MBNL1: variants seen among roughly 807,000 people sequenced by gnomAD.
MBNL1 encodes muscleblind-like protein 1.
A neutral mutation model predicts 42.2 loss-of-function variants in MBNL1; 8 were observed. The ratio of observed to expected loss-of-function variants is 0.19; its 90% CI spans 0.11 to 0.34. The LOEUF (loss-of-function observed/expected upper bound fraction) is 0.34, where lower values mean the gene tolerates loss of function less well. MBNL1 is among the 10% of genes least tolerant of loss of function. The pLI is 1.00. For synonymous variants in MBNL1, 169 were observed against 173.9 expected, an observed-to-expected ratio of 0.97 and a Z score of 0.22; for missense variants, 309 against 495.3, an observed-to-expected ratio of 0.62 and a Z score of 3.57.
At chr3:152,425,465 G>A (rs375821634) in intron 3 of MBNL1, among the ~76,000 whole-genome samples, 33 of 151,930 alleles carry the variant, frequency 2.2e-4, no homozygotes, top group African/African-American at 7.5e-4. Flanking sequence ...AAAATTAGCC[G>A]GGCATGGTGG....
intron 1 of MBNL1, among the ~76,000 whole-genome samples, chr3:152,273,162 A>G (rs1177377269): frequency 6.6e-6 from 1 of 152,146 alleles, no homozygotes; most frequent in African/African-American, 2.4e-5. Context: ...GTTTCTGATG[A>G]GTCATGGAGC....
chr3:152,368,164 A>G (rs1473457075), intron 2 of MBNL1, among the ~76,000 whole-genome samples: 1 of 152,050 alleles, frequency 6.6e-6, no homozygotes, highest in Non-Finnish European at 1.5e-5. Flanking sequence ...TAAGTCTTTA[A>G]TCCATCTTGA....
intron 2 of MBNL1, among the ~76,000 whole-genome samples, chr3:152,392,803 A>G (rs2097774874): frequency 6.6e-6 from 1 of 152,160 alleles, no homozygotes; most frequent in African/African-American, 2.4e-5. Context: ...AGCTACTCCC[A>G]GTTTTTTGCA....
chr3:152,327,560 G>C (rs1560161484), intron 2 of MBNL1, among the ~76,000 whole-genome samples: 1 of 152,120 alleles, frequency 6.6e-6, no homozygotes, highest in South Asian at 2.1e-4. Context: ...TGTTGGCCAG[G>C]CTGGTCTCAA....
intron 1 of MBNL1, among the ~76,000 whole-genome samples, chr3:152,282,206 A>G (rs1211631629): frequency 6.6e-6 from 1 of 152,166 alleles, no homozygotes; most frequent in East Asian, 1.9e-4. Context: ...AATTAGAAAC[A>G]AAATAAAGGT....
chr3:152,338,497 G>C (rs773904337), intron 2 of MBNL1: 19 of 985,360 alleles, frequency 1.9e-5, no homozygotes, highest in Non-Finnish European at 2.3e-5. Context: ...TTTGGCTGTG[G>C]CTCAGTGATC....
At chr3:152,354,519 T>C (rs1313677200) in intron 2 of MBNL1, among the ~76,000 whole-genome samples, 2 of 152,116 alleles carry the variant, frequency 1.3e-5, no homozygotes, top group African/African-American at 4.8e-5. Context: ...CTACAAAAGA[T>C]TTTTACTGCT....
Position 152,341,015 on chromosome 3 carries a change from T to C in MBNL1, c.174+40648T>C, listed in dbSNP as rs988719058. ...GGGGACACAAACTGTACGATGCTTATTTTTTAAAATGAAAAGATGTTTAAC... is the reference window on the plus strand; with the variant it reads ...GGGGACACAAACTGTACGATGCTTACTTTTTAAAATGAAAAGATGTTTAAC... On this transcript the variant is annotated intron_variant, in intron 2 of 9. Transcript: ENST00000324210. 3 of 1,287,878 alleles carry C rather than the reference T, an allele frequency of 2.3e-6. No homozygotes were observed. In the African/African-American group the frequency reaches 4.5e-5, roughly 19 times the overall value. 79.8% of individuals were successfully genotyped at this position (1,287,878 alleles called of 1,614,324 possible).
At chr3:152,419,100 A>G (rs953230617) in intron 3 of MBNL1, among the ~76,000 whole-genome samples, 1 of 152,212 alleles carries the variant, frequency 6.6e-6, no homozygotes, top group Non-Finnish European at 1.5e-5. Flanking sequence ...CTGTGTCCAC[A>G]CAGATTAATA....
chr3:152,304,508 T>C lies in MBNL1; in HGVS notation c.174+4141T>C, dbSNP rs537233457. On this transcript the variant is annotated intron_variant, in intron 2 of 9. Transcript: ENST00000324210. ...GGAATCACTGTTACCAGGAAGTTTT[T>C]TTGTGGTTTGATTTTTAACCACTGG... Among the ~76,000 whole-genome samples the C allele has an allele frequency of 2.0e-4, 30 of 152,348 alleles. 1 individual carries two copies. Among genetic ancestry groups the C allele is most frequent in the African/African-American group, 6.7e-4 (28 of 41,588 alleles).
At chr3:152,335,376 T>C (rs2089085387) in intron 2 of MBNL1, 1 of 672,206 alleles carries the variant, frequency 1.5e-6, no homozygotes, top group Non-Finnish European at 2.3e-6. Flanking sequence ...ACCGTGGTTT[T>C]CACATTGGTG....
intron 1 of MBNL1, 47 bp downstream of exon 1, chr3:152,269,139 A>G: frequency 2.3e-6 from 1 of 437,830 alleles, no homozygotes; most frequent in Non-Finnish European, 4.6e-6. Context: ...CATTGTTCGG[A>G]CTCCGGCGGG....
intron 9 of MBNL1, among the ~76,000 whole-genome samples, chr3:152,460,437 A>AT (rs1278611572): frequency 1.6e-5 from 2 of 125,200 alleles, no homozygotes; most frequent in African/African-American, 6.2e-5. Context: ...AAAGTCTTGT[A>AT]TTTTGTCTTT....
At position 152,463,414 on chromosome 3, in the gene MBNL1, TGTCAAAA is replaced by T. The variant is rs1036520426; in HGVS notation, c.*1057_*1063del. On this transcript the variant is annotated 3_prime_UTR_variant, in exon 10 of 10. Coordinates refer to ENST00000324210, the MANE Select transcript of MBNL1 (RefSeq NM_021038.5). Reference sequence around the variant, plus strand: ...TTATTTTGCTTCTATTTATAGCCTCTGTCAAAAGTCAAAAGACTATAAATGCTTTGCA... The same window carrying T: ...TTATTTTGCTTCTATTTATAGCCTCTGTCAAAAGACTATAAATGCTTTGCA... 5.2e-4 allele frequency: 79 copies of T among 152,610 alleles called. No homozygotes were observed. Among genetic ancestry groups the T allele is most frequent in the African/African-American group, 1.9e-3 (79 of 41,566 alleles). 9.5% of individuals were successfully genotyped at this position (152,610 alleles called of 1,614,324 possible). A position where few individuals can be genotyped will look rare whatever the true frequency, so the allele number is the denominator to read the frequency against.
At chr3:152,421,375 T>A (rs1426949330) in intron 3 of MBNL1, among the ~76,000 whole-genome samples, 1 of 152,086 alleles carries the variant, frequency 6.6e-6, no homozygotes. Context: ...GCTCAGTGGA[T>A]CCCACCCCCA....
intron 1 of MBNL1, among the ~76,000 whole-genome samples, chr3:152,290,127 G>A (rs1244869050): frequency 1.3e-5 from 2 of 151,918 alleles, no homozygotes; most frequent in African/African-American, 4.8e-5. Context: ...TATCACACCA[G>A]GTTTAAAATC....
At chr3:152,346,112 T>G (rs904398150) in intron 2 of MBNL1, among the ~76,000 whole-genome samples, 1 of 152,122 alleles carries the variant, frequency 6.6e-6, no homozygotes, top group Non-Finnish European at 1.5e-5. Flanking sequence ...AGATGTCAAA[T>G]GCCAGAGGTC....
chr3:152,326,778 A>ATTAT (rs3988216), intron 2 of MBNL1, among the ~76,000 whole-genome samples: 17,434 of 141,824 alleles, frequency 0.12, 1,157 homozygotes, highest in Middle Eastern at 0.19. Flanking sequence ...CCTTGGGAAA[A>ATTAT]TTATTTATTT....
intron 2 of MBNL1, among the ~76,000 whole-genome samples, chr3:152,366,093 T>G (rs1164273254): frequency 6.6e-6 from 1 of 152,130 alleles, no homozygotes; most frequent in Non-Finnish European, 1.5e-5. Flanking sequence ...ATTTCAACTC[T>G]AAGAAATTAC....
Sources: allele counts gnomAD v4.1 joint callset (sites outside exome capture counted in the v4.1 genomes callset), GRCh38; gene constraint gnomAD v4.1.1; transcripts MANE v1.5; gene names NCBI Gene and HGNC (gene_info 2026-07-23, HGNC 2026-07-21).